Variants in FAM3B observed in about 807,000 individuals in gnomAD.
The protein encoded by FAM3B is protein FAM3B.
A neutral mutation model predicts 28.4 loss-of-function variants in FAM3B; 29 were observed. The observed-to-expected ratio is 1.02, with a 90% confidence interval of 0.76 to 1.39. The LOEUF (loss-of-function observed/expected upper bound fraction) is 1.39, where lower values mean the gene tolerates loss of function less well. Ranked by LOEUF, FAM3B falls within the 40% of genes most tolerant of loss-of-function variation. The pLI is 0.00. For missense variants in FAM3B, 266 were observed against 293.9 expected, an observed-to-expected ratio of 0.91 and a Z score of 0.69; for synonymous variants, 91 against 103.0, an observed-to-expected ratio of 0.88 and a Z score of 0.71.
At chr21:41,330,135 A>AG (rs2088891394) in intron 2 of FAM3B, among the ~76,000 whole-genome samples, 1 of 1,602 alleles carries the variant, frequency 6.2e-4, no homozygotes, top group Non-Finnish European at 1.5e-3. Context: ...TCTGTATAGG[A>AG]AAAAAAAAAA....
At chr21:41,315,522 G>A (rs1715576577), upstream of FAM3B, among the ~76,000 whole-genome samples, 1 of 152,142 alleles carries the variant, frequency 6.6e-6, no homozygotes, top group Non-Finnish European at 1.5e-5. Context: ...AAGATTGGCG[G>A]TCAGTTCATT....
At chr21:41,325,010 G>C (rs997067470) in intron 2 of FAM3B, among the ~76,000 whole-genome samples, 1 of 152,188 alleles carries the variant, frequency 6.6e-6, no homozygotes, top group African/African-American at 2.4e-5. Context: ...GCTGAGGCAG[G>C]AGAATAGCTT....
intron 2 of FAM3B, among the ~76,000 whole-genome samples, chr21:41,332,989 G>A (rs778326088): frequency 4.6e-5 from 7 of 150,550 alleles, no homozygotes; most frequent in Non-Finnish European, 1.0e-4. Context: ...GGCTTAGTTT[G>A]TTCTTCATTT....
chr21:41,317,253 C>T (rs1459896672), intron 1 of FAM3B, among the ~76,000 whole-genome samples: 6 of 150,444 alleles, frequency 4.0e-5, no homozygotes, highest in African/African-American at 1.5e-4. Context: ...GCCCCGCACC[C>T]CCACCCCCCA....
chr21:41,336,185 G>A (rs1009038521), intron 2 of FAM3B, among the ~76,000 whole-genome samples: 1 of 152,172 alleles, frequency 6.6e-6, no homozygotes, highest in African/African-American at 2.4e-5. Context: ...ATCAGACACT[G>A]TATCTGCTAG....
upstream of FAM3B, among the ~76,000 whole-genome samples, chr21:41,314,640 A>G (rs770304461): frequency 6.6e-6 from 1 of 152,226 alleles, no homozygotes; most frequent in South Asian, 2.1e-4. Context: ...ACATTTCTCC[A>G]AAGATGATAT....
At chr21:41,331,941 G>A (rs1239454158) in intron 2 of FAM3B, among the ~76,000 whole-genome samples, 1 of 152,166 alleles carries the variant, frequency 6.6e-6, no homozygotes, top group African/African-American at 2.4e-5. Context: ...GTCCTTGCAA[G>A]GACAGATCCC....
At chr21:41,352,607 A>G (rs1034968294) in intron 7 of FAM3B, among the ~76,000 whole-genome samples, 6 of 152,136 alleles carry the variant, frequency 3.9e-5, no homozygotes, top group Non-Finnish European at 8.8e-5. Flanking sequence ...AGCCTGGCCA[A>G]CATGGTGAAA....
chr21:41,344,315 TGGG>T (rs1274985152), intron 3 of FAM3B, among the ~76,000 whole-genome samples, 158 bp from the exon 4 acceptor site: 1 of 152,130 alleles, frequency 6.6e-6, no homozygotes, highest in Non-Finnish European at 1.5e-5. Context: ...TGGATGAACA[TGGG>T]GGTGGCGGTC....
At position 41,338,377 on chromosome 21, in the gene FAM3B, G is replaced by C. The variant is rs767628498; in HGVS notation, c.164-1G>C. 1 of 1,614,078 alleles carries C rather than the reference G, an allele frequency of 6.2e-7. No individual in the cohort carries two copies. Among genetic ancestry groups the C allele is most frequent in the Admixed American group, 1.7e-5 (1 of 60,026 alleles). On this transcript the variant is annotated splice_acceptor_variant, in intron 2 of 7. Transcript: ENST00000357985. LOFTEE classifies it high-confidence loss of function. ...GCTATATACTTTCTTATTCATTACA[G>C]CTCCAGTCCCCAAAAGGCAAAAATG... is the stretch of plus-strand genomic sequence containing the variant.
chr21:41,341,668 T>G (rs1386532908), intron 3 of FAM3B, among the ~76,000 whole-genome samples: 3 of 152,272 alleles, frequency 2.0e-5, no homozygotes, highest in Non-Finnish European at 2.9e-5. Flanking sequence ...GCTGTTGTTC[T>G]TAGATGTTCA....
rs546029490 is a variant in FAM3B, at chr21:41,309,187, A to G, written n.99+4877A>G. Among the ~76,000 whole-genome samples the G allele has an allele frequency of 7.9e-5, 12 of 152,368 alleles. No individual in the cohort carries two copies. In the South Asian group the frequency reaches 2.5e-3, roughly 32 times the overall value. On this transcript the variant is annotated intron_variant and non_coding_transcript_variant, in intron 1 of 9. Transcript: ENST00000479810. ...CACAGCATCATCCGCCTTCAGGACT[A>G]GCTAGTTAGATGATCCTGTAAACTG...
In FAM3B at chr21:41,323,079, C is replaced by T. The variant is rs766660157; in HGVS notation, c.163+13C>T. 1.9e-6 allele frequency: 3 copies of T among 1,601,084 alleles called. No homozygotes were observed. Among genetic ancestry groups the T allele is most frequent in the South Asian group, 2.2e-5 (2 of 91,030 alleles). On this transcript the variant is annotated intron_variant, in intron 2 of 7. Transcript: ENST00000357985. The stretch of plus-strand genomic sequence containing the variant: ...CCTGTCCTCAAAGGTGAGTGCCGTG[C>T]TTGGGGCAGACGGCTGCCTTCATGG...
upstream of FAM3B, among the ~76,000 whole-genome samples, chr21:41,315,201 G>A (rs996432529): frequency 6.6e-6 from 1 of 152,148 alleles, no homozygotes; most frequent in African/African-American, 2.4e-5. Context: ...GACAAATAGT[G>A]TATGATTGCG....
chr21:41,339,568 T>C (rs2088985432), intron 3 of FAM3B, among the ~76,000 whole-genome samples: 1 of 152,218 alleles, frequency 6.6e-6, no homozygotes, highest in African/African-American at 2.4e-5. Context: ...GCAGGAGTCT[T>C]ACCCCCTTAA....
At chr21:41,343,274 G>A (rs895451723) in intron 3 of FAM3B, among the ~76,000 whole-genome samples, 2 of 152,114 alleles carry the variant, frequency 1.3e-5, no homozygotes, top group African/African-American at 2.4e-5. Flanking sequence ...GCTTTTAAAC[G>A]CTGGACTTAC....
At chr21:41,314,706 A>G (rs943951269), upstream of FAM3B, among the ~76,000 whole-genome samples, 1 of 152,176 alleles carries the variant, frequency 6.6e-6, no homozygotes, top group Non-Finnish European at 1.5e-5. Flanking sequence ...AATTAGGACA[A>G]TGCAAACCAA....
chr21:41,312,728 T>A (rs1374133182), upstream of FAM3B, among the ~76,000 whole-genome samples: 1 of 150,634 alleles, frequency 6.6e-6, no homozygotes, highest in Admixed American at 6.6e-5. Flanking sequence ...TGAGAGTGTG[T>A]GTGTGTGTGT....
intron 7 of FAM3B, among the ~76,000 whole-genome samples, chr21:41,352,361 T>C (rs2089128363): frequency 6.6e-6 from 1 of 151,958 alleles, no homozygotes; most frequent in African/African-American, 2.4e-5. Flanking sequence ...GAGAAGCCTC[T>C]CTGGCCCTGC....
Sources: gnomAD v4.1 joint callset for allele counts (sites outside exome capture counted in the v4.1 genomes callset) on GRCh38, gnomAD v4.1.1 for gene constraint, MANE v1.5 for transcripts, NCBI Gene and HGNC (gene_info 2026-07-23, HGNC 2026-07-21) for gene names.